Variants in RREB1 observed in about 807,000 individuals in gnomAD.
The protein encoded by RREB1 is ras responsive element binding protein 1, also known as ras-responsive element-binding protein 1.
A neutral mutation model predicts 117.8 loss-of-function variants in RREB1; 27 were observed. The ratio of observed to expected loss-of-function variants is 0.23; its 90% CI spans 0.17 to 0.32. RREB1 has a LOEUF of 0.32. Among genes scored for constraint, RREB1 ranks in the 10% least tolerant of loss-of-function variants. The probability of loss-of-function intolerance (pLI) is 1.00; values close to 1 mark genes in which losing one functional copy is unlikely to be tolerated. For missense variants in RREB1, 2,577 were observed against 2,378.2 expected, an observed-to-expected ratio of 1.08 and a Z score of -1.74; for synonymous variants, 1,298 against 1,026.7, an observed-to-expected ratio of 1.26 and a Z score of -5.05.
chr6:7,188,519 C>CT (rs1271379534), intron 5 of RREB1, among the ~76,000 whole-genome samples: 1 of 151,922 alleles, frequency 6.6e-6, no homozygotes, highest in African/African-American at 2.4e-5. Flanking sequence ...TCTTTTTTTG[C>CT]TTTTCTCCTT....
intron 4 of RREB1, among the ~76,000 whole-genome samples, chr6:7,187,009 A>C (rs1325133207): frequency 1.3e-5 from 2 of 152,046 alleles, no homozygotes; most frequent in East Asian, 1.9e-4. Flanking sequence ...GTTCTTGGAG[A>C]CCCTGAAACC....
chr6:7,113,568 C>T (rs930018289), intron 1 of RREB1, among the ~76,000 whole-genome samples: 3 of 152,118 alleles, frequency 2.0e-5, no homozygotes, highest in African/African-American at 7.2e-5. Context: ...TACAGCTGCG[C>T]GGTGGTCCAC....
At chr6:7,131,227 A>G (rs681794) in intron 1 of RREB1, among the ~76,000 whole-genome samples, 15,140 of 152,186 alleles carry the variant, frequency 0.099, 993 homozygotes, top group African/African-American at 0.18. Flanking sequence ...CGCCCGGCCA[A>G]TACTCATTTC....
chr6:7,116,190 A>G (rs1055482574), intron 1 of RREB1, among the ~76,000 whole-genome samples: 2 of 152,178 alleles, frequency 1.3e-5, no homozygotes, highest in East Asian at 1.9e-4. Flanking sequence ...TTGGCATACA[A>G]GGAACTTCGT....
intron 8 of RREB1, among the ~76,000 whole-genome samples, chr6:7,220,151 G>T (rs1767158867): frequency 1.3e-5 from 2 of 152,204 alleles, no homozygotes; most frequent in African/African-American, 2.4e-5. Context: ...CATACAGGGG[G>T]TGGGGAATGG....
At chr6:7,181,658 G>C in intron 3 of RREB1, 1 of 604,202 alleles carries the variant, frequency 1.7e-6, no homozygotes, top group Non-Finnish European at 2.9e-6. Flanking sequence ...CACTCAGAAA[G>C]GAGGCAAGGT....
chr6:7,169,911 G>A (rs917613979), intron 1 of RREB1, among the ~76,000 whole-genome samples: 2 of 152,174 alleles, frequency 1.3e-5, no homozygotes, highest in Non-Finnish European at 2.9e-5. Context: ...AAATTTGGTA[G>A]GCAGGGACCC....
intron 1 of RREB1, among the ~76,000 whole-genome samples, chr6:7,142,194 A>G (rs1271843664): frequency 6.6e-6 from 1 of 151,786 alleles, no homozygotes; most frequent in South Asian, 2.1e-4. Flanking sequence ...CAGCCTGGGC[A>G]ACAAGAGTGA....
intron 1 of RREB1, among the ~76,000 whole-genome samples, chr6:7,119,948 C>T (rs866565616): frequency 5.3e-5 from 8 of 151,704 alleles, no homozygotes; most frequent in Non-Finnish European, 1.2e-4. Flanking sequence ...GAGGAAGGGT[C>T]GTGGAAGGGA....
At chr6:7,158,060 C>G (rs561743916) in intron 1 of RREB1, among the ~76,000 whole-genome samples, 2 of 152,258 alleles carry the variant, frequency 1.3e-5, no homozygotes, top group East Asian at 3.9e-4. Flanking sequence ...GTGCATTCTT[C>G]AGGGTATGAA....
chr6:7,188,823 G>T (rs1055796185), intron 5 of RREB1, among the ~76,000 whole-genome samples: 1 of 152,176 alleles, frequency 6.6e-6, no homozygotes, highest in African/African-American at 2.4e-5. Flanking sequence ...TTCCTTCACT[G>T]TTGAGTGTCC....
rs754945001 is a variant in RREB1, at chr6:7,230,962, G to A, written c.2863G>A (p.Glu955Lys). The change falls in exon 10 of 13, where the codon GAA (glutamate) becomes AAA (lysine). Residue 955 changes from glutamate to lysine, a missense_variant. Physicochemically the swap from Glu to Lys is moderately conservative, Grantham distance 56 (BLOSUM62 1). Coordinates refer to ENST00000379938, the MANE Select transcript of RREB1 (RefSeq NM_001003699.4). The part of the protein sequence containing the change: ...KGDKDLATPS[E>K]AKKPEEEAGS... ...GGACAAGGATTTGGCCACTCCCAGC[G>A]AAGCCAAGAAGCCTGAGGAGGAGGC... 12 of 1,613,886 alleles carry A rather than the reference G, an allele frequency of 7.4e-6. No individual in the cohort carries two copies. Among genetic ancestry groups the A allele is most frequent in the African/African-American group, 5.3e-5 (4 of 74,934 alleles).
chr6:7,143,832 C>T (rs1340317196), intron 1 of RREB1, among the ~76,000 whole-genome samples: 1 of 148,726 alleles, frequency 6.7e-6, no homozygotes, highest in Non-Finnish European at 1.5e-5. Flanking sequence ...GTGTGCATCA[C>T]TGCAGCCTTT....
intron 4 of RREB1, 66 bp from the exon 5 acceptor site, chr6:7,187,363 TATTAC>T: frequency 1.1e-6 from 1 of 944,124 alleles, no homozygotes; most frequent in Non-Finnish European, 1.7e-6. Flanking sequence ...TTATTACACT[TATTAC>T]AGAAAGAAAA....
At chr6:7,200,065 T>C (rs1315519485) in intron 6 of RREB1, among the ~76,000 whole-genome samples, 1 of 152,190 alleles carries the variant, frequency 6.6e-6, no homozygotes, top group Non-Finnish European at 1.5e-5. Flanking sequence ...ATTGACAGTC[T>C]CTTGTGTAGC....
chr6:7,165,945 C>A (rs1232275901), intron 1 of RREB1, among the ~76,000 whole-genome samples: 4 of 152,184 alleles, frequency 2.6e-5, no homozygotes, highest in African/African-American at 9.7e-5. Flanking sequence ...CACTTAAGAG[C>A]CTGGGCATGT....
chr6:7,242,432 G>A (rs1224626824), intron 11 of RREB1, among the ~76,000 whole-genome samples: 1 of 152,122 alleles, frequency 6.6e-6, no homozygotes, highest in African/African-American at 2.4e-5. Context: ...AAAGCCTCTA[G>A]AAAAAGAAAA....
At chr6:7,144,737 T>C (rs1234838533) in intron 1 of RREB1, among the ~76,000 whole-genome samples, 1 of 152,222 alleles carries the variant, frequency 6.6e-6, no homozygotes, top group African/African-American at 2.4e-5. Flanking sequence ...TCTAACTGCT[T>C]TTAGGCCTTG....
At chr6:7,130,942 T>C (rs1388774147) in intron 1 of RREB1, among the ~76,000 whole-genome samples, 3 of 132,844 alleles carry the variant, frequency 2.3e-5, no homozygotes, top group Non-Finnish European at 3.2e-5. Flanking sequence ...TTTTTTTTTT[T>C]TTTTTTTTTT....
Sources: allele counts gnomAD v4.1 joint callset (sites outside exome capture counted in the v4.1 genomes callset), GRCh38; gene constraint gnomAD v4.1.1; transcripts MANE v1.5; gene names NCBI Gene and HGNC (gene_info 2026-07-23, HGNC 2026-07-21).